Variants in DTNB observed in about 807,000 individuals in gnomAD.
DTNB encodes the protein DTN-B.
A neutral mutation model predicts 90.7 loss-of-function variants in DTNB; 63 were observed. The ratio of observed to expected loss-of-function variants is 0.69; its 90% confidence interval spans 0.57 to 0.86. DTNB has a LOEUF of 0.86. Ranked by LOEUF, DTNB falls within the 40% of genes least tolerant of loss-of-function variation. DTNB has a pLI of 0.00. For synonymous variants in DTNB, 277 were observed against 286.7 expected, an observed-to-expected ratio of 0.97 and a Z score of 0.34; for missense variants, 744 against 807.1, an observed-to-expected ratio of 0.92 and a Z score of 0.95.
chr2:25,570,462 T>C (rs1442387413), intron 8 of DTNB, among the ~76,000 whole-genome samples: 2 of 149,784 alleles, frequency 1.3e-5, no homozygotes, highest in Admixed American at 6.6e-5. Context: ...GAAATAGATA[T>C]TCATTTATTC....
chr2:25,575,892 CTG>C (rs2060577962), intron 8 of DTNB, among the ~76,000 whole-genome samples: 1 of 151,736 alleles, frequency 6.6e-6, no homozygotes, highest in Admixed American at 6.6e-5. Context: ...TGGAAATAAA[CTG>C]AGAGAAAGGA....
chr2:25,594,618 A>G (rs2148389068), intron 6 of DTNB, among the ~76,000 whole-genome samples: 1 of 152,354 alleles, frequency 6.6e-6, no homozygotes, highest in Non-Finnish European at 1.5e-5. Context: ...TCTAGTTTAC[A>G]ACATCCTTTC....
intron 11 of DTNB, among the ~76,000 whole-genome samples, chr2:25,454,906 C>T (rs182647410): frequency 1.6e-4 from 25 of 152,202 alleles, no homozygotes; most frequent in East Asian, 9.6e-4. Flanking sequence ...TGGGAATCAC[C>T]GGTTTAAATA....
At chr2:25,382,829 T>G (rs1369571757) in intron 19 of DTNB, among the ~76,000 whole-genome samples, 1 of 152,136 alleles carries the variant, frequency 6.6e-6, no homozygotes, top group Non-Finnish European at 1.5e-5. Context: ...ACGTCTGGCC[T>G]AAATCTCTGC....
At chr2:25,543,355 G>A (rs2081723537) in intron 8 of DTNB, among the ~76,000 whole-genome samples, 1 of 151,800 alleles carries the variant, frequency 6.6e-6, no homozygotes, top group African/African-American at 2.4e-5. Flanking sequence ...GCCCAGGCTG[G>A]AGTGCAGTGG....
chr2:25,635,429 CATAA>C (rs1398751153), intron 3 of DTNB, among the ~76,000 whole-genome samples: 3 of 152,152 alleles, frequency 2.0e-5, no homozygotes, highest in Non-Finnish European at 2.9e-5. Context: ...TGATTCAAAA[CATAA>C]ATAAATAAAA....
At chr2:25,635,274 T>C (rs1469725959) in intron 3 of DTNB, among the ~76,000 whole-genome samples, 1 of 151,638 alleles carries the variant, frequency 6.6e-6, no homozygotes, top group Non-Finnish European at 1.5e-5. Context: ...CTACTAAAAA[T>C]ACAAAAGTTA....
At chr2:25,391,148 G>A (rs1016143358) in intron 16 of DTNB, among the ~76,000 whole-genome samples, 1 of 151,856 alleles carries the variant, frequency 6.6e-6, no homozygotes, top group African/African-American at 2.4e-5. Flanking sequence ...CACCTGCCTC[G>A]GCCTCCCAAA....
At chr2:25,555,398 T>C (rs1248390347) in intron 8 of DTNB, among the ~76,000 whole-genome samples, 3 of 151,266 alleles carry the variant, frequency 2.0e-5, no homozygotes, top group Non-Finnish European at 2.9e-5. Context: ...TAAGAAATTA[T>C]ATATTACTTG....
chr2:25,379,240 T>C, intron 20 of DTNB, 50 bp downstream of exon 20: 2 of 1,302,068 alleles, frequency 1.5e-6, no homozygotes, highest in Non-Finnish European at 2.0e-6. Context: ...GGGAAGATGC[T>C]GAGGAAGGAG....
chr2:25,634,609 T>C lies in DTNB; in HGVS notation c.148+4405A>G, dbSNP rs1321211587. On this transcript the variant is annotated intron_variant, in intron 3 of 20. Transcript: ENST00000406818. ...GGATGACAATGGCGGTTTTGTGGAA[T>C]AGAAAGGGGGGAAAGGTGGGGAAAA... Among the ~76,000 whole-genome samples, 7 of 116,426 alleles carry C rather than the reference T, an allele frequency of 6.0e-5. 1 individual carries two copies. The highest frequency in any genetic ancestry group is 2.8e-4 in the South Asian group (1 of 3,632). The allele number at this position is 116,426 out of a possible 152,430, so 76.4% of individuals were successfully genotyped here. A position where few individuals can be genotyped will look rare whatever the true frequency, so the allele number is the denominator to read the frequency against.
At position 25,628,177 on chromosome 2, in the gene DTNB, T is replaced by C; in HGVS notation, c.356A>G (p.Tyr119Cys). ...SLLLNFMIAA[Y>C]DSEGRGKLTV... ...AAGGTAAGGTACTACTAGCCTGTCA[T>C]ATGCAGCAATCATAAAGTTGAGGAG... The change falls in exon 4 of 21, where the codon TAT (tyrosine) becomes TGT (cysteine). Residue 119 changes from tyrosine to cysteine, a missense_variant. Tyr to Cys is a radical substitution (Grantham distance 194). Transcript: ENST00000406818. 1 of 1,613,898 alleles carries C rather than the reference T, an allele frequency of 6.2e-7. No individual in the cohort carries two copies. The highest frequency in any genetic ancestry group is 8.5e-7 in the Non-Finnish European group (1 of 1,179,822).
chr2:25,411,385 A>G (rs1273899515), intron 16 of DTNB, among the ~76,000 whole-genome samples: 1 of 152,102 alleles, frequency 6.6e-6, no homozygotes, highest in African/African-American at 2.4e-5. Context: ...AAGAAAAACC[A>G]AACCTATTTT....
intron 1 of DTNB, among the ~76,000 whole-genome samples, chr2:25,670,172 C>T (rs960247817): frequency 2.0e-5 from 3 of 152,180 alleles, no homozygotes; most frequent in Admixed American, 1.3e-4. Context: ...ATCTCAAAAT[C>T]ATTCTGTTAG....
Position 25,511,230 on chromosome 2 carries a change from CG to C in DTNB, c.1001+20242del, listed in dbSNP as rs1297851728. On this transcript the variant is annotated intron_variant, in intron 9 of 20. Transcript: ENST00000406818. ...TAAAAGGTATTCTTTTGTTCAGCAT[CG>C]TACCATTTATTTGTATTTATTCACT... Among the ~76,000 whole-genome samples the C allele has an allele frequency of 7.2e-5, 11 of 152,254 alleles. No individual in the cohort carries two copies. The East Asian group carries it at 9.6e-4, about 13-fold the overall frequency.
At chr2:25,382,654 G>A (rs1430878590) in intron 19 of DTNB, among the ~76,000 whole-genome samples, 2 of 147,598 alleles carry the variant, frequency 1.4e-5, no homozygotes, top group South Asian at 2.2e-4. Flanking sequence ...TCAGCCTCCC[G>A]AGTAGCTGCG....
Position 25,387,730 on chromosome 2 carries a change from C to A in DTNB, c.1736-352G>T, listed in dbSNP as rs1374586461. 6.6e-6 allele frequency among the ~76,000 whole-genome samples: 1 copy of A among 152,186 alleles called. No homozygotes were observed. The highest frequency in any genetic ancestry group is 6.5e-5 in the Admixed American group (1 of 15,284). ...TCCACAACCACCACTACCACCTCCC[C>A]TTCTCACCTCCAGCCCCAGCAGGAC... is the stretch of plus-strand genomic sequence containing the variant. On this transcript the variant is annotated intron_variant, in intron 17 of 20. Coordinates refer to ENST00000406818, the MANE Select transcript of DTNB (RefSeq NM_021907.5). This position sits in a 1 kb window ranked among gnomAD's most constrained non-coding sequence, Gnocchi z 4.5.
chr2:25,616,938 AAAAAAAAAAAAAAAGG>A (rs2070835321), intron 4 of DTNB, among the ~76,000 whole-genome samples: 2 of 69,760 alleles, frequency 2.9e-5, no homozygotes, highest in Admixed American at 1.4e-4. Context: ...TCTCAAAAAA[AAAAAAAAAAAAAAAGG>A]AAAAAAAAGA....
chr2:25,644,441 T>G (rs1211272223), intron 2 of DTNB, among the ~76,000 whole-genome samples: 1 of 152,174 alleles, frequency 6.6e-6, no homozygotes, highest in African/African-American at 2.4e-5. Context: ...TGTCTGAAAT[T>G]TTTCACAACC....
Sources: allele counts gnomAD v4.1 joint callset (sites outside exome capture counted in the v4.1 genomes callset), GRCh38; gene constraint gnomAD v4.1.1; non-coding constraint Gnocchi (gnomAD v3.1); transcripts MANE v1.5; gene names NCBI Gene and HGNC (gene_info 2026-07-23, HGNC 2026-07-21).